The following OBI1 variants were observed in gnomAD, a reference collection of about 807,000 sequenced individuals.
OBI1 encodes the protein ring finger protein 219.
In OBI1, 59 loss-of-function variants were observed where a neutral mutation model predicts 62.4. The observed-to-expected ratio is 0.95, with a 90% confidence interval of 0.77 to 1.17. The LOEUF is 1.17. OBI1 is among the 50% of genes most tolerant of loss of function. OBI1 has a pLI of 0.00. For missense variants in OBI1, 875 were observed against 830.9 expected, an observed-to-expected ratio of 1.05 and a Z score of -0.65; for synonymous variants, 302 against 292.8, an observed-to-expected ratio of 1.03 and a Z score of -0.32.
intron 1 of OBI1, among the ~76,000 whole-genome samples, chr13:78,646,006 T>G (rs1876371806): frequency 6.6e-6 from 1 of 152,122 alleles, no homozygotes; most frequent in African/African-American, 2.4e-5. Context: ...CCAACCCTTT[T>G]CCATCTCTTT....
intron 5 of OBI1, among the ~76,000 whole-genome samples, chr13:78,628,310 C>T (rs1875740848): frequency 6.6e-6 from 1 of 152,194 alleles, no homozygotes; most frequent in African/African-American, 2.4e-5. Flanking sequence ...TGGAGTCTGG[C>T]TCCAAGGTTT....
chr13:78,644,979 A>G lies in OBI1; in HGVS notation c.91T>C (p.Cys31Arg), dbSNP rs1294873425. 8 of 1,613,196 alleles carry G rather than the reference A, an allele frequency of 5.0e-6. No homozygotes were observed. Among genetic ancestry groups the G allele is most frequent in the Non-Finnish European group, 6.8e-6 (8 of 1,179,702 alleles). Residue 31 changes from cysteine to arginine, a missense_variant, in exon 2 of 6, where the codon TGC (cysteine) becomes CGC (arginine). Physicochemically the swap from Cys to Arg is radical, Grantham distance 180. Transcript: ENST00000282003. The stretch of plus-strand genomic sequence containing the variant: ...GAACAAAATACATGGTTGTTGATGC[A>G]TATGACAGGCTGACGTACCTTTGAA... ...CLGKVRQPVI[C>R]INNHVFCSIC...
At chr13:78,626,491 T>A (rs1447860741) in intron 5 of OBI1, among the ~76,000 whole-genome samples, 2 of 151,980 alleles carry the variant, frequency 1.3e-5, no homozygotes, top group African/African-American at 2.4e-5. Flanking sequence ...AGAAGAGTAA[T>A]CAAAAGTACA....
At chr13:78,619,220 T>C (rs1875426231) in intron 5 of OBI1, among the ~76,000 whole-genome samples, 1 of 152,010 alleles carries the variant, frequency 6.6e-6, no homozygotes, top group African/African-American at 2.4e-5. Context: ...TACTCAAAAA[T>C]AAAGAATGCT....
chr13:78,615,422 A>G lies in OBI1; in HGVS notation c.*158T>C. The G allele has an allele frequency of 2.1e-6, 1 of 471,182 alleles. No individual in the cohort carries two copies. Among genetic ancestry groups the G allele is most frequent in the East Asian group, 3.2e-5 (1 of 31,376 alleles). The allele number at this position is 471,182 out of a possible 1,614,324, so 29.2% of individuals were successfully genotyped here. ...CAAAGTCTTTTCAAAATGAACAATA[A>G]GTATTCTGGGTACAGGTTAATCCAC... On this transcript the variant is annotated 3_prime_UTR_variant, in exon 6 of 6. Transcript: ENST00000282003.
chr13:78,653,491 T>C (rs1876605457), intron 1 of OBI1, among the ~76,000 whole-genome samples: 1 of 152,246 alleles, frequency 6.6e-6, no homozygotes, highest in African/African-American at 2.4e-5. Flanking sequence ...TGATACAGGT[T>C]ATAAATGGTA....
intron 4 of OBI1, among the ~76,000 whole-genome samples, chr13:78,635,905 G>A (rs2765070): frequency 0.075 from 11,340 of 152,116 alleles, 1,352 homozygotes; most frequent in African/African-American, 0.26. Context: ...TGGGACTACA[G>A]GCATGTGCCA....
chr13:78,625,680 C>G (rs1180589766), intron 5 of OBI1, among the ~76,000 whole-genome samples: 1 of 152,170 alleles, frequency 6.6e-6, no homozygotes, highest in Non-Finnish European at 1.5e-5. Flanking sequence ...AAGTGAATAT[C>G]CAGAGAAGGG....
intron 3 of OBI1, among the ~76,000 whole-genome samples, chr13:78,640,085 A>T (rs1161521299): frequency 1.3e-5 from 2 of 152,216 alleles, no homozygotes; most frequent in East Asian, 1.9e-4. Flanking sequence ...GAATTCCAAC[A>T]GGGAAGTAGA....
At chr13:78,638,418 C>T (rs1876092547) in intron 4 of OBI1, among the ~76,000 whole-genome samples, 1 of 152,072 alleles carries the variant, frequency 6.6e-6, no homozygotes, top group Non-Finnish European at 1.5e-5. Flanking sequence ...AAGATAAGGT[C>T]AAAACTTTTC....
chr13:78,628,234 GA>G (rs1219828131), intron 5 of OBI1, among the ~76,000 whole-genome samples: 1 of 152,200 alleles, frequency 6.6e-6, no homozygotes, highest in Non-Finnish European at 1.5e-5. Context: ...CTGAGATACA[GA>G]AAGGTTAAAT....
At chr13:78,637,164 G>T (rs1876055009) in intron 4 of OBI1, among the ~76,000 whole-genome samples, 1 of 152,144 alleles carries the variant, frequency 6.6e-6, no homozygotes, top group African/African-American at 2.4e-5. Flanking sequence ...CAGAAAAAAA[G>T]TCCACTTCAT....
At chr13:78,617,636 T>C (rs1875356453) in intron 5 of OBI1, among the ~76,000 whole-genome samples, 1 of 152,070 alleles carries the variant, frequency 6.6e-6, no homozygotes, top group South Asian at 2.1e-4. Flanking sequence ...CCAGGAGGGG[T>C]GGTTTTAAAT....
intron 2 of OBI1, among the ~76,000 whole-genome samples, chr13:78,642,968 A>G (rs142370708): frequency 6.6e-6 from 1 of 152,324 alleles, no homozygotes; most frequent in East Asian, 1.9e-4. Context: ...GGCTAGTTAC[A>G]ATGGACTGTA....
At chr13:78,643,333 G>A (rs552279099) in intron 2 of OBI1, among the ~76,000 whole-genome samples, 1 of 152,202 alleles carries the variant, frequency 6.6e-6, no homozygotes, top group Admixed American at 6.5e-5. Flanking sequence ...AACAGATAGA[G>A]GTTAACCCCG....
chr13:78,637,024 AGAG>A (rs1250623109), intron 4 of OBI1, among the ~76,000 whole-genome samples: 1 of 152,240 alleles, frequency 6.6e-6, no homozygotes, highest in Non-Finnish European at 1.5e-5. Context: ...TATGAAGGGC[AGAG>A]TTCTGCCTAC....
chr13:78,659,126 C>A lies in OBI1; in HGVS notation c.-6G>T. On this transcript the variant is annotated 5_prime_UTR_variant, in exon 1 of 6. Transcript: ENST00000282003. ...TTCTGCACGGTCTGAGCCATGGCAG[C>A]GTTCAGAATCCCGCCAACACGGAAG... The A allele has an allele frequency of 6.2e-7, 1 of 1,609,250 alleles. No homozygotes were observed. The highest frequency in any genetic ancestry group is 8.5e-7 in the Non-Finnish European group (1 of 1,177,946).
chr13:78,630,969 T>C (rs543334996), intron 5 of OBI1, among the ~76,000 whole-genome samples: 14 of 152,318 alleles, frequency 9.2e-5, no homozygotes, highest in African/African-American at 2.6e-4. Context: ...CTAAAATATC[T>C]TTCAACAGTT....
intron 3 of OBI1, among the ~76,000 whole-genome samples, chr13:78,640,436 T>A (rs146864402): frequency 4.4e-4 from 67 of 152,288 alleles, no homozygotes; most frequent in African/African-American, 1.5e-3. Context: ...TATTTTTATA[T>A]ATATTTATTT....
Sources: gnomAD v4.1 joint callset for allele counts (sites outside exome capture counted in the v4.1 genomes callset) on GRCh38, gnomAD v4.1.1 for gene constraint, MANE v1.5 for transcripts, NCBI Gene and HGNC (gene_info 2026-07-23, HGNC 2026-07-21) for gene names.